Variants in DAPK1 observed in about 807,000 individuals in gnomAD.
DAPK1 encodes the protein death associated protein kinase 1, also known as death-associated protein kinase 1.
DAPK1 carries 56 observed loss-of-function variants against 144.9 expected under a neutral mutation model. The ratio of observed to expected loss-of-function variants is 0.39; its 90% confidence interval spans 0.31 to 0.48. The LOEUF is 0.48. DAPK1 is among the 20% of genes least tolerant of loss of function. The pLI, the probability that DAPK1 is intolerant of heterozygous loss-of-function variation, is 0.95. For synonymous variants in DAPK1, 690 were observed against 749.0 expected (o/e 0.92, Z 1.29); for missense variants, 1,454 against 1,875.4 (o/e 0.78, Z 4.15).
At chr9:87,538,500 T>G (rs2118440915) in intron 2 of DAPK1, among the ~76,000 whole-genome samples, 1 of 152,350 alleles carries the variant, frequency 6.6e-6, no homozygotes, top group Admixed American at 6.5e-5. Flanking sequence ...TTCTATTATT[T>G]TCTCACTTTG....
At chr9:87,629,991 G>A (rs944168588) in intron 3 of DAPK1, among the ~76,000 whole-genome samples, 1 of 152,106 alleles carries the variant, frequency 6.6e-6, no homozygotes, top group Non-Finnish European at 1.5e-5. Flanking sequence ...GCCCAAACTA[G>A]CCCAGATGGA....
chr9:87,512,753 C>T (rs1563967190), intron 2 of DAPK1, among the ~76,000 whole-genome samples: 3 of 152,118 alleles, frequency 2.0e-5, no homozygotes, highest in Non-Finnish European at 4.4e-5. Context: ...AAGAGATTCT[C>T]CTGCCTCAGA....
chr9:87,540,094 A>C (rs193218932), intron 2 of DAPK1, among the ~76,000 whole-genome samples: 1 of 151,134 alleles, frequency 6.6e-6, no homozygotes, highest in East Asian at 1.9e-4. Flanking sequence ...AGATATTTTG[A>C]GAGAGAGAGA....
In DAPK1 at chr9:87,686,158, CAG is replaced by C. The variant is rs1824837788; in HGVS notation, c.2225-389_2225-388del. ...TCGCTCAGTGGGAGCTGGAGGAAGA[CAG>C]AGACTGCGAGTATCAGCAAAGTAGC... On this transcript the variant is annotated intron_variant, in intron 20 of 25. Coordinates refer to ENST00000408954, the MANE Select transcript of DAPK1 (RefSeq NM_004938.4). The surrounding 1 kb of genome is among the most constrained non-coding windows in gnomAD (Gnocchi z 4.2). Among the ~76,000 whole-genome samples the C allele has an allele frequency of 6.6e-6, 1 of 152,212 alleles. No individual in the cohort carries two copies. The highest frequency in any genetic ancestry group is 6.5e-5 in the Admixed American group (1 of 15,284).
At chr9:87,683,085 A>G in intron 20 of DAPK1, among the ~76,000 whole-genome samples, 1 of 112,552 alleles carries the variant, frequency 8.9e-6, no homozygotes, top group East Asian at 3.9e-4. Context: ...TATTTTATTT[A>G]TTTTTTTTTT....
chr9:87,605,241 G>T, intron 3 of DAPK1, 66 bp downstream of exon 3: 1 of 1,324,492 alleles, frequency 7.6e-7, no homozygotes, highest in Non-Finnish European at 1.1e-6. Flanking sequence ...CTTCGTTCCA[G>T]CTGGACCACG....
chr9:87,686,576 C>T lies in DAPK1; in HGVS notation c.2250C>T (p.Tyr750=), dbSNP rs1052810128. The stretch of plus-strand genomic sequence containing the variant: ...TCTCAGTGAGCATCAACAACCTGTA[C>T]CCAGGCTGCGAGAACGTGAGTGTGA... The part of the protein sequence containing the change: ...PTVSVSINNL[Y]PGCENVSVRS... The change falls in exon 21 of 26, where the codon TAC becomes TAT. Residue 750 remains tyrosine (Y), a synonymous_variant. Transcript: ENST00000408954. The surrounding 1 kb of genome is among the most constrained non-coding windows in gnomAD (Gnocchi z 4.2). The T allele has an allele frequency of 2.5e-6, 4 of 1,578,210 alleles. No homozygotes were observed. Among genetic ancestry groups the T allele is most frequent in the Non-Finnish European group, 3.4e-6 (4 of 1,159,968 alleles).
rs79555014 is a variant in DAPK1 at position 87,623,299 on chromosome 9, T to G, written c.285-14644T>G. On this transcript the variant is annotated intron_variant, in intron 3 of 25. Coordinates refer to ENST00000408954, the MANE Select transcript of DAPK1 (RefSeq NM_004938.4). ...TTTTTTCACTTATGAATGAAAGTGA[T>G]TACATTAAAAATCTTCCTTTTCCAC... Among the ~76,000 whole-genome samples the G allele has an allele frequency of 7.9e-5, 12 of 152,302 alleles. No homozygotes were observed. The East Asian group carries it at 2.3e-3, about 29-fold the overall frequency.
chr9:87,608,197 CA>C (rs1317197145), intron 3 of DAPK1, among the ~76,000 whole-genome samples: 1 of 152,192 alleles, frequency 6.6e-6, no homozygotes, highest in African/African-American at 2.4e-5. Flanking sequence ...GGCACGGAGC[CA>C]AACCATATCA....
chr9:87,634,874 C>T (rs1829836410), intron 3 of DAPK1, among the ~76,000 whole-genome samples: 1 of 152,162 alleles, frequency 6.6e-6, no homozygotes, highest in Non-Finnish European at 1.5e-5. Flanking sequence ...GCCAAAGAAC[C>T]TGCTGCACAC....
chr9:87,627,818 T>C (rs1344193055), intron 3 of DAPK1, among the ~76,000 whole-genome samples: 3 of 152,288 alleles, frequency 2.0e-5, no homozygotes, highest in Admixed American at 2.0e-4. Flanking sequence ...CAAGGGTTTC[T>C]CTCACCTATG....
chr9:87,595,610 T>C (rs1399438402), intron 2 of DAPK1, among the ~76,000 whole-genome samples: 1 of 152,230 alleles, frequency 6.6e-6, no homozygotes, highest in Non-Finnish European at 1.5e-5. Flanking sequence ...ACCAAACCAG[T>C]GCGTGGAGCC....
At chr9:87,683,456 T>C (rs1284738635) in intron 20 of DAPK1, among the ~76,000 whole-genome samples, 1 of 152,174 alleles carries the variant, frequency 6.6e-6, no homozygotes, top group African/African-American at 2.4e-5. Context: ...AGCACGCTCC[T>C]GCTGTGGTTA....
chr9:87,614,199 G>A (rs1829019724), intron 3 of DAPK1, among the ~76,000 whole-genome samples: 1 of 152,136 alleles, frequency 6.6e-6, no homozygotes, highest in African/African-American at 2.4e-5. Context: ...CACTGAAGTG[G>A]ATTATTTGAT....
At chr9:87,649,182 T>G (rs999041007) in intron 15 of DAPK1, among the ~76,000 whole-genome samples, 1 of 152,172 alleles carries the variant, frequency 6.6e-6, no homozygotes, top group African/African-American at 2.4e-5. Flanking sequence ...ACAGGGAAAG[T>G]TTCTGTAACT....
At position 87,508,265 on chromosome 9, in the gene DAPK1, G is replaced by T. The variant is rs1264344523; in HGVS notation, c.62+9126G>T. ...GACCTCAGGTGATCTGCCCTCCTCGGTCTCCCAAAGTACTGGGATTACAGG... is the reference window on the plus strand; with the variant it reads ...GACCTCAGGTGATCTGCCCTCCTCGTTCTCCCAAAGTACTGGGATTACAGG... On this transcript the variant is annotated intron_variant, in intron 2 of 25. Coordinates refer to ENST00000408954, the MANE Select transcript of DAPK1 (RefSeq NM_004938.4). Among the ~76,000 whole-genome samples, 22 of 152,018 alleles carry T rather than the reference G, an allele frequency of 1.4e-4. 1 individual carries two copies. Among genetic ancestry groups the T allele is most frequent in the Non-Finnish European group, 4.4e-5 (3 of 68,024 alleles).
In DAPK1 at chr9:87,641,963, T is replaced by C; in HGVS notation, c.829-6T>C. The stretch of plus-strand genomic sequence containing the variant: ...TTTAATTTTTTTTCTTGGATTTTTA[T>C]TTTAGCCTAAAGATACACAACAGGC... On this transcript the variant is annotated splice_polypyrimidine_tract_variant and splice_region_variant and intron_variant, in intron 9 of 25. Transcript: ENST00000408954. 1 of 1,594,928 alleles carries C rather than the reference T, an allele frequency of 6.3e-7. No homozygotes were observed. Among genetic ancestry groups the C allele is most frequent in the Non-Finnish European group, 8.5e-7 (1 of 1,172,154 alleles).
chr9:87,502,521 G>A (rs1451641221), intron 2 of DAPK1, among the ~76,000 whole-genome samples: 3 of 152,102 alleles, frequency 2.0e-5, no homozygotes, highest in African/African-American at 4.8e-5. Context: ...CCCCATTGTC[G>A]GGCTCTAGTT....
At chr9:87,555,534 G>A (rs916023300) in intron 2 of DAPK1, among the ~76,000 whole-genome samples, 3 of 150,032 alleles carry the variant, frequency 2.0e-5, no homozygotes, top group East Asian at 1.9e-4. Flanking sequence ...ATGGAGTTTC[G>A]CTCTTGTTAC....
Sources: allele counts gnomAD v4.1 joint callset (sites outside exome capture counted in the v4.1 genomes callset), GRCh38; gene constraint gnomAD v4.1.1; non-coding constraint Gnocchi (gnomAD v3.1); transcripts MANE v1.5; gene names NCBI Gene and HGNC (gene_info 2026-07-23, HGNC 2026-07-21).